Variants in TTC7B observed in about 807,000 individuals in gnomAD.
TTC7B encodes the protein tetratricopeptide repeat domain 7B.
TTC7B carries 28 observed loss-of-function variants against 106.8 expected under a neutral mutation model. The ratio of observed to expected loss-of-function variants is 0.26; its 90% CI spans 0.19 to 0.36. TTC7B has a LOEUF of 0.36. Among genes scored for constraint, TTC7B ranks in the 10% least tolerant of loss-of-function variants. TTC7B has a pLI of 1.00. For synonymous variants in TTC7B, 405 were observed against 430.6 expected (o/e 0.94, Z 0.74); for missense variants, 862 against 1,076.4 (o/e 0.80, Z 2.79).
intron 7 of TTC7B, among the ~76,000 whole-genome samples, chr14:90,688,110 A>G (rs1287099300): frequency 1.3e-5 from 2 of 152,244 alleles, no homozygotes; most frequent in Non-Finnish European, 2.9e-5. Context: ...ATTTGAAAAC[A>G]TGGAAAAGGT....
At chr14:90,772,005 TATAA>T (rs975655930) in intron 3 of TTC7B, among the ~76,000 whole-genome samples, 285 of 146,712 alleles carry the variant, frequency 1.9e-3, no homozygotes, top group African/African-American at 6.8e-3. Context: ...ATATATATAT[TATAA>T]ATAAAGAAAT....
intron 11 of TTC7B, among the ~76,000 whole-genome samples, chr14:90,656,125 T>C (rs1253265533): frequency 2.0e-5 from 3 of 152,188 alleles, no homozygotes; most frequent in Non-Finnish European, 4.4e-5. Context: ...GAGCCTGTGC[T>C]TTCAAAACAT....
intron 3 of TTC7B, among the ~76,000 whole-genome samples, chr14:90,777,497 C>T (rs1397406735): frequency 6.6e-6 from 1 of 152,100 alleles, no homozygotes; most frequent in Non-Finnish European, 1.5e-5. Flanking sequence ...CAAAGGCTAA[C>T]GTTGGCTGGC....
At chr14:90,737,546 GTTTT>G (rs71461922) in intron 4 of TTC7B, among the ~76,000 whole-genome samples, 5,782 of 92,202 alleles carry the variant, frequency 0.063, 175 homozygotes, top group Non-Finnish European at 0.083. Flanking sequence ...GTATGATTCT[GTTTT>G]TTTTTTTTTT....
intron 1 of TTC7B, 104 bp downstream of exon 1, chr14:90,816,071 G>A (rs1328526110): frequency 3.1e-6 from 3 of 977,412 alleles, no homozygotes; most frequent in Non-Finnish European, 3.6e-6. Context: ...TCGCGGCCCG[G>A]CCGCGCCCCT....
At chr14:90,602,295 G>A (rs897740516) in intron 17 of TTC7B, 1 of 447,940 alleles carries the variant, frequency 2.2e-6, no homozygotes, top group African/African-American at 2.0e-5. Context: ...GAACTATGAA[G>A]CACTAGGCAG....
intron 1 of TTC7B, among the ~76,000 whole-genome samples, chr14:90,810,821 A>T (rs2030859222): frequency 6.6e-6 from 1 of 152,250 alleles, no homozygotes. Flanking sequence ...CTTGAACCAG[A>T]CCTTGACAGA....
chr14:90,647,020 G>A lies in TTC7B; in HGVS notation c.1521C>T (p.Ala507=), dbSNP rs777883649. ...QRKALLAFQR[A]HSLSPTDHQA... Reference sequence around the variant, plus strand: ...GGTGATCTGTGGGTGACAGGCTGTGGGCCCTGAAAAAGTATTTACGGCTAT... The same window carrying A: ...GGTGATCTGTGGGTGACAGGCTGTGAGCCCTGAAAAAGTATTTACGGCTAT... Residue 507 remains alanine (A), a synonymous_variant, in exon 14 of 20, where the codon GCC becomes GCT. Transcript: ENST00000328459. 3 of 1,614,132 alleles carry A rather than the reference G, an allele frequency of 1.9e-6. No individual in the cohort carries two copies. The South Asian group carries it at 3.3e-5, about 18-fold the overall frequency.
At chr14:90,680,429 C>T in intron 8 of TTC7B, 43 bp downstream of exon 8, 2 of 1,524,404 alleles carry the variant, frequency 1.3e-6, no homozygotes, top group East Asian at 4.5e-5. Flanking sequence ...AAAGGGTCTA[C>T]AGGGCCAGGG....
chr14:90,803,117 T>A (rs937707235), intron 1 of TTC7B, among the ~76,000 whole-genome samples: 1 of 151,310 alleles, frequency 6.6e-6, no homozygotes, highest in African/African-American at 2.4e-5. Context: ...CACTCCAGCC[T>A]GGGTGACAGA....
At chr14:90,711,342 G>C (rs926421606) in intron 5 of TTC7B, among the ~76,000 whole-genome samples, 12 of 152,198 alleles carry the variant, frequency 7.9e-5, no homozygotes, top group African/African-American at 2.7e-4. Context: ...GAGCAAAGTT[G>C]CTAGTACTGA....
intron 5 of TTC7B, among the ~76,000 whole-genome samples, chr14:90,706,356 G>C (rs1888212626): frequency 6.6e-6 from 1 of 151,802 alleles, no homozygotes; most frequent in East Asian, 1.9e-4. Flanking sequence ...GTAGAGATGG[G>C]GTTTCACTGT....
chr14:90,655,161 A>T (rs773483639), intron 11 of TTC7B, 51 bp from the exon 12 acceptor site: 3 of 1,406,816 alleles, frequency 2.1e-6, no homozygotes, highest in Non-Finnish European at 3.0e-6. Context: ...AATTTCTAAC[A>T]TGAGTTCCCA....
chr14:90,765,296 A>G (rs1198804437), intron 3 of TTC7B, among the ~76,000 whole-genome samples: 2 of 152,208 alleles, frequency 1.3e-5, no homozygotes, highest in East Asian at 1.9e-4. Flanking sequence ...GACTAGGGCT[A>G]TAGAGTTGGG....
At chr14:90,735,569 C>A (rs1404266133) in intron 4 of TTC7B, among the ~76,000 whole-genome samples, 1 of 149,746 alleles carries the variant, frequency 6.7e-6, no homozygotes, top group Non-Finnish European at 1.5e-5. Flanking sequence ...AGAATAAAAC[C>A]ACCTACTGGC....
At chr14:90,698,117 A>C (rs1456526581) in intron 5 of TTC7B, 1 of 152,246 alleles carries the variant, frequency 6.6e-6, no homozygotes, top group Non-Finnish European at 1.5e-5. Flanking sequence ...CAAATGTAAA[A>C]GCATGATTCC....
At chr14:90,727,895 A>G (rs1418386100) in intron 5 of TTC7B, among the ~76,000 whole-genome samples, 1 of 152,186 alleles carries the variant, frequency 6.6e-6, no homozygotes, top group Non-Finnish European at 1.5e-5. Context: ...GAAGCGTGGG[A>G]AGCTGCTGGT....
intron 9 of TTC7B, among the ~76,000 whole-genome samples, chr14:90,672,416 C>T (rs1382847579): frequency 6.6e-6 from 1 of 152,150 alleles, no homozygotes; most frequent in Non-Finnish European, 1.5e-5. Flanking sequence ...CAATCAGGCC[C>T]CACACTTTCT....
intron 5 of TTC7B, among the ~76,000 whole-genome samples, chr14:90,702,709 T>C (rs1888042945): frequency 6.6e-6 from 1 of 152,216 alleles, no homozygotes; most frequent in South Asian, 2.1e-4. Flanking sequence ...GAACTCCCTA[T>C]GTAATTCCCA....
Sources: allele counts gnomAD v4.1 joint callset (sites outside exome capture counted in the v4.1 genomes callset), GRCh38; gene constraint gnomAD v4.1.1; transcripts MANE v1.5; gene names NCBI Gene and HGNC (gene_info 2026-07-23, HGNC 2026-07-21).